Variants in CACNA1A observed in about 807,000 individuals in gnomAD.
CACNA1A encodes the protein voltage-dependent P/Q-type calcium channel subunit alpha-1A.
CACNA1A carries 57 observed loss-of-function variants against 262.4 expected under a neutral mutation model. That is an observed-to-expected ratio of 0.22 (90% CI 0.18 to 0.27). The LOEUF (loss-of-function observed/expected upper bound fraction) is 0.27, where lower values mean the gene tolerates loss of function less well. Ranked by LOEUF, CACNA1A falls within the 10% of genes least tolerant of loss-of-function variation. The pLI is 1.00. For synonymous variants in CACNA1A, 1,431 were observed against 1,419.3 expected (o/e 1.01, Z -0.18); for missense variants, 2,526 against 3,562.8 (o/e 0.71, Z 7.41).
intron 14 of CACNA1A, 124 bp from the exon 15 acceptor site, chr19:13,307,978 G>T: frequency 7.3e-7 from 1 of 1,363,344 alleles, no homozygotes; most frequent in Non-Finnish European, 1.0e-6. Context: ...AACCCTGAGT[G>T]GTACCCAGGG....
chr19:13,286,085 G>A (rs1466518409), intron 20 of CACNA1A, among the ~76,000 whole-genome samples: 1 of 150,972 alleles, frequency 6.6e-6, no homozygotes, highest in Non-Finnish European at 1.5e-5. Context: ...CAGTACATCT[G>A]GCCCCTTTTT....
intron 3 of CACNA1A, among the ~76,000 whole-genome samples, chr19:13,415,257 C>T (rs73922389): frequency 0.013 from 1,968 of 151,754 alleles, 39 homozygotes; most frequent in African/African-American, 0.045. Context: ...CAGGTGGTGC[C>T]GACAAGGAAA....
chr19:13,372,708 A>G (rs1353242571), intron 3 of CACNA1A, among the ~76,000 whole-genome samples: 1 of 152,240 alleles, frequency 6.6e-6, no homozygotes, highest in Non-Finnish European at 1.5e-5. Flanking sequence ...AATGCCAGGC[A>G]CACAGGTTAC....
intron 24 of CACNA1A, among the ~76,000 whole-genome samples, chr19:13,268,524 C>T (rs550041305): frequency 1.7e-4 from 26 of 151,842 alleles, no homozygotes; most frequent in Non-Finnish European, 3.5e-4. Flanking sequence ...AGCTCCGCCT[C>T]CCAGGTTCAC....
rs1159789193 is a variant in CACNA1A, at chr19:13,314,766, G to A, written c.1556-1985C>T. On this transcript the variant is annotated intron_variant, in intron 11 of 46. Transcript: ENST00000360228. ...TTGCTATGTCATGCTTTTAAGAGGT[G>A]TTTTGAACTGACCGTCAAAGTCCTT... Among the ~76,000 whole-genome samples, 6 of 152,152 alleles carry A rather than the reference G, an allele frequency of 3.9e-5. No homozygotes were observed. The East Asian group carries it at 7.7e-4, about 20-fold the overall frequency.
intron 3 of CACNA1A, among the ~76,000 whole-genome samples, chr19:13,446,865 A>T (rs561890604): frequency 6.6e-6 from 1 of 151,884 alleles, no homozygotes; most frequent in Non-Finnish European, 1.5e-5. Context: ...CTGGAATTCC[A>T]GGTGCTTGCC....
At chr19:13,383,388 G>A (rs889473989) in intron 3 of CACNA1A, among the ~76,000 whole-genome samples, 1 of 152,082 alleles carries the variant, frequency 6.6e-6, no homozygotes, top group Non-Finnish European at 1.5e-5. Flanking sequence ...GAGGAAGAAG[G>A]TTTCAAAGAT....
At chr19:13,501,669 C>A (rs1406815699) in intron 1 of CACNA1A, among the ~76,000 whole-genome samples, 1 of 152,148 alleles carries the variant, frequency 6.6e-6, no homozygotes, top group Non-Finnish European at 1.5e-5. Context: ...CTTCCATACA[C>A]CTGAAAGTTT....
intron 11 of CACNA1A, chr19:13,315,148 G>A (rs116771480): frequency 6.7e-6 from 1 of 149,596 alleles, no homozygotes; most frequent in African/African-American, 2.4e-5. Context: ...CTGATGCCAA[G>A]ATATACATTT....
At chr19:13,394,520 C>G (rs2059776093) in intron 3 of CACNA1A, among the ~76,000 whole-genome samples, 2 of 152,132 alleles carry the variant, frequency 1.3e-5, no homozygotes, top group South Asian at 4.1e-4. Flanking sequence ...TCAGGGGATT[C>G]TGAAGACTCA....
rs1412450069 is a variant in CACNA1A, at chr19:13,275,996, A to C, written c.3883-40T>G. 4 of 1,396,986 alleles carry C rather than the reference A, an allele frequency of 2.9e-6. No homozygotes were observed. In the Admixed American group the frequency reaches 5.2e-5, roughly 18 times the overall value. The allele number at this position is 1,396,986 out of a possible 1,614,324, so 86.5% of individuals were successfully genotyped here. ...AGAGGGTGCTCAGAACCCCCACCTG[A>C]TCCCCACCCTGGGGTGCTGCCACCC... On this transcript the variant is annotated intron_variant, in intron 23 of 46. Transcript: ENST00000360228.
chr19:13,305,955 G>A (rs1020169173), intron 15 of CACNA1A, among the ~76,000 whole-genome samples: 1 of 152,016 alleles, frequency 6.6e-6, no homozygotes, highest in Non-Finnish European at 1.5e-5. Context: ...AGCTACTCGG[G>A]AGGCTGAGGC....
rs1026766301 is a variant in CACNA1A at position 13,345,255 on chromosome 19, C to G, written c.979-9346G>C. Among the ~76,000 whole-genome samples, 3 of 152,262 alleles carry G rather than the reference C, an allele frequency of 2.0e-5. No homozygotes were observed. The East Asian group carries it at 5.8e-4, about 29-fold the overall frequency. On this transcript the variant is annotated intron_variant, in intron 6 of 46. Transcript: ENST00000360228. ...TGCCTGGTGGATGGAGAAACTGAAG[C>G]TGAGAGAGGCAACATGATGTGCCTG...
intron 1 of CACNA1A, among the ~76,000 whole-genome samples, chr19:13,482,871 T>TGTGC (rs1174457942): frequency 6.6e-6 from 1 of 151,364 alleles, no homozygotes; most frequent in Non-Finnish European, 1.5e-5. Flanking sequence ...TGTGTGTGTG[T>TGTGC]GTGTGTGTGT....
At chr19:13,359,150 C>T (rs1404172250) in intron 6 of CACNA1A, among the ~76,000 whole-genome samples, 3 of 152,178 alleles carry the variant, frequency 2.0e-5, no homozygotes, top group East Asian at 3.8e-4. Flanking sequence ...CAAAGTGGGG[C>T]ACAAGCTCTT....
intron 15 of CACNA1A, among the ~76,000 whole-genome samples, chr19:13,307,002 G>A (rs2419243): frequency 0.37 from 55,946 of 151,788 alleles, 10,818 homozygotes; most frequent in Middle Eastern, 0.52. Flanking sequence ...TTGCTCTCTC[G>A]CCCAGGCTGG....
At chr19:13,360,586 T>C (rs2059091686) in intron 5 of CACNA1A, among the ~76,000 whole-genome samples, 1 of 151,320 alleles carries the variant, frequency 6.6e-6, no homozygotes, top group East Asian at 1.9e-4. Flanking sequence ...CAAGGGATTC[T>C]CCTGCCTCAG....
chr19:13,319,113 T>C (rs1324325601), intron 10 of CACNA1A, among the ~76,000 whole-genome samples: 1 of 152,120 alleles, frequency 6.6e-6, no homozygotes, highest in Non-Finnish European at 1.5e-5. Flanking sequence ...CAGGCTGGTC[T>C]TGAACTCCTG....
Position 13,347,059 on chromosome 19 carries a change from G to GTTTT in CACNA1A, c.979-11154_979-11151dup, listed in dbSNP as rs1207564258. On this transcript the variant is annotated intron_variant, in intron 6 of 46. Coordinates refer to ENST00000360228, the MANE Select transcript of CACNA1A (RefSeq NM_001127222.2). ...TTGTTCCTTCAGGTCTGTTTTTTTT[G>GTTTT]TTTTTTTGTTTTTTTTTTTTGAGAC... Among the ~76,000 whole-genome samples the GTTTT allele has an allele frequency of 1.7e-3, 99 of 58,400 alleles. 1 individual carries two copies. The highest frequency in any genetic ancestry group is 5.3e-3 in the South Asian group (5 of 940). 38.3% of individuals were successfully genotyped at this position (58,400 alleles called of 152,430 possible).
Sources: allele counts gnomAD v4.1 joint callset (sites outside exome capture counted in the v4.1 genomes callset), GRCh38; gene constraint gnomAD v4.1.1; transcripts MANE v1.5; gene names NCBI Gene and HGNC (gene_info 2026-07-23, HGNC 2026-07-21).